Variants in NLGN1 observed in about 807,000 individuals in gnomAD.
The protein encoded by NLGN1 is neuroligin 1, also known as neuroligin-1.
Under a neutral mutation model 65.5 loss-of-function variants are expected in NLGN1, and 12 were observed. The ratio of observed to expected loss-of-function variants is 0.18; its 90% confidence interval spans 0.12 to 0.30. NLGN1 has a LOEUF of 0.30. Ranked by LOEUF, NLGN1 falls within the 10% of genes least tolerant of loss-of-function variation. The pLI, the probability that NLGN1 is intolerant of heterozygous loss-of-function variation, is 1.00. For missense variants in NLGN1, 750 were observed against 1,007.1 expected, an observed-to-expected ratio of 0.74 and a Z score of 3.46; for synonymous variants, 350 against 359.5, an observed-to-expected ratio of 0.97 and a Z score of 0.30.
rs73880562 is a variant in NLGN1, at chr3:173,731,380, A to G, written c.494-76300A>G. Among the ~76,000 whole-genome samples, 354 of 152,242 alleles carry G rather than the reference A, an allele frequency of 2.3e-3. 3 individuals are homozygous for G. Among genetic ancestry groups the G allele is most frequent in the African/African-American group, 8.1e-3 (335 of 41,568 alleles). On this transcript the variant is annotated intron_variant, in intron 3 of 6. Transcript: ENST00000457714. ...TTAAATATAAGATGGACTGTATTCA[A>G]TTTCAAGTTTTTATTTTGGAAATGC...
At chr3:174,112,828 T>C (rs746204408) in intron 4 of NLGN1, among the ~76,000 whole-genome samples, 9 of 151,914 alleles carry the variant, frequency 5.9e-5, no homozygotes, top group African/African-American at 2.2e-4. Context: ...TTTGACACGG[T>C]GATTAGTATA....
intron 2 of NLGN1, among the ~76,000 whole-genome samples, chr3:173,548,941 C>A (rs536204372): frequency 1.3e-5 from 2 of 151,946 alleles, no homozygotes; most frequent in Non-Finnish European, 2.9e-5. Flanking sequence ...AGATCTATTT[C>A]ATGCATGCTT....
intron 3 of NLGN1, among the ~76,000 whole-genome samples, chr3:173,715,196 T>A: frequency 6.6e-6 from 1 of 152,184 alleles, no homozygotes; most frequent in African/African-American, 2.4e-5. Context: ...GCTTAAATGA[T>A]TATTTCATAG....
At chr3:173,951,972 G>C (rs1296789802) in intron 4 of NLGN1, among the ~76,000 whole-genome samples, 1 of 152,260 alleles carries the variant, frequency 6.6e-6, no homozygotes, top group East Asian at 1.9e-4. Context: ...TGCAATAAAA[G>C]TACATGTCTA....
chr3:173,458,309 G>A (rs141612509), intron 2 of NLGN1, among the ~76,000 whole-genome samples: 24 of 152,038 alleles, frequency 1.6e-4, no homozygotes, highest in Admixed American at 9.2e-4. Flanking sequence ...AAGGTCAGAC[G>A]TCAGAATAAA....
At chr3:174,031,810 T>C (rs960704927) in intron 4 of NLGN1, among the ~76,000 whole-genome samples, 1 of 152,070 alleles carries the variant, frequency 6.6e-6, no homozygotes, top group African/African-American at 2.4e-5. Flanking sequence ...ATAGGAATTT[T>C]CAGATTTTAG....
rs9850002 is a variant in NLGN1 at position 173,475,461 on chromosome 3, T to G, written c.-321+40383T>G. Reference sequence around the variant, plus strand: ...TCAAACATTTAAAGTTATTTGTCACTGTTTTTATTTCCAAATCTTAAACAA... The same window carrying G: ...TCAAACATTTAAAGTTATTTGTCACGGTTTTTATTTCCAAATCTTAAACAA... On this transcript the variant is annotated intron_variant, in intron 2 of 6. Transcript: ENST00000457714. Among the ~76,000 whole-genome samples the G allele has an allele frequency of 4.3e-3, 650 of 152,334 alleles. 3 individuals are homozygous for G. The highest frequency in any genetic ancestry group is 0.015 in the African/African-American group (629 of 41,584).
chr3:173,894,846 A>G (rs976910751), intron 4 of NLGN1, among the ~76,000 whole-genome samples: 2 of 151,088 alleles, frequency 1.3e-5, no homozygotes, highest in Non-Finnish European at 3.0e-5. Flanking sequence ...CATGTTGGCC[A>G]GGCTGGTGTC....
chr3:174,264,737 C>G (rs978333342), intron 4 of NLGN1, among the ~76,000 whole-genome samples: 114 of 152,036 alleles, frequency 7.5e-4, no homozygotes, highest in Non-Finnish European at 1.3e-3. Flanking sequence ...GAGCTGCGTT[C>G]CTTTGGAGGA....
intron 2 of NLGN1, among the ~76,000 whole-genome samples, chr3:173,541,493 G>A (rs1738856385): frequency 6.6e-6 from 1 of 152,092 alleles, no homozygotes; most frequent in Non-Finnish European, 1.5e-5. Context: ...AGTGCATATT[G>A]TCTATGATTC....
At chr3:173,769,351 C>T (rs1779243644) in intron 3 of NLGN1, among the ~76,000 whole-genome samples, 1 of 152,180 alleles carries the variant, frequency 6.6e-6, no homozygotes, top group South Asian at 2.1e-4. Context: ...GACTTCTATG[C>T]TCAAATGACT....
intron 4 of NLGN1, among the ~76,000 whole-genome samples, chr3:174,225,076 T>A (rs2152809721): frequency 6.6e-6 from 1 of 152,326 alleles, no homozygotes; most frequent in African/African-American, 2.4e-5. Flanking sequence ...GTATCTTAAA[T>A]ATCTCAGTAA....
rs569961786 is a variant in NLGN1 at position 173,689,128 on chromosome 3, C to T, written c.493+84037C>T. On this transcript the variant is annotated intron_variant, in intron 3 of 6. Transcript: ENST00000457714. ...CTTCCTTTATGTCCTGAGTCACCTC[C>T]AGCCTCTAAAGTATTCCTCTAGATT... Among the ~76,000 whole-genome samples the T allele has an allele frequency of 2.5e-4, 38 of 152,300 alleles. 2 individuals are homozygous for T. The highest frequency in any genetic ancestry group is 8.4e-4 in the African/African-American group (35 of 41,570).
intron 4 of NLGN1, among the ~76,000 whole-genome samples, chr3:174,038,734 A>G (rs1731652442): frequency 1.3e-5 from 2 of 152,186 alleles, no homozygotes; most frequent in Admixed American, 1.3e-4. Flanking sequence ...TTTATGATTT[A>G]GAGAAATATT....
At chr3:173,767,414 G>T (rs756477754) in intron 3 of NLGN1, among the ~76,000 whole-genome samples, 1 of 152,010 alleles carries the variant, frequency 6.6e-6, no homozygotes, top group East Asian at 1.9e-4. Context: ...TTTATTATAT[G>T]TAGAGGATAT....
chr3:173,400,783 T>C lies in NLGN1; in HGVS notation c.-390+2296T>C, dbSNP rs1170383648. 2.6e-5 allele frequency among the ~76,000 whole-genome samples: 4 copies of C among 152,184 alleles called. No homozygotes were observed. In the East Asian group the frequency reaches 7.7e-4, roughly 29 times the overall value. On this transcript the variant is annotated intron_variant, in intron 1 of 6. Coordinates refer to ENST00000457714, the Ensembl canonical transcript of NLGN1. ...CCTGATTTATCATGTCATTCGGAAATGATAGCTTACCTTTATGTCTGAACA... is the reference window on the plus strand; with the variant it reads ...CCTGATTTATCATGTCATTCGGAAACGATAGCTTACCTTTATGTCTGAACA...
At chr3:174,225,090 C>A (rs1417361196) in intron 4 of NLGN1, among the ~76,000 whole-genome samples, 1 of 152,150 alleles carries the variant, frequency 6.6e-6, no homozygotes, top group East Asian at 1.9e-4. Context: ...TCAGTAATCC[C>A]TTACTTTGGT....
At chr3:173,472,024 C>A (rs1725395353) in intron 2 of NLGN1, among the ~76,000 whole-genome samples, 1 of 151,982 alleles carries the variant, frequency 6.6e-6, no homozygotes, top group African/African-American at 2.4e-5. Context: ...ATAAAACTCA[C>A]CAGAAGTAAA....
In NLGN1 at chr3:173,827,862, TCTCTGCCTTTTTA is replaced by T. The variant is rs538293771; in HGVS notation, c.646+20035_646+20047del. ...TAGATGTTCCTGCTCAAATAGCCTT[TCTCTGCCTTTTTA>T]CTCTATCTGAACTCTCAAAGGACTG... On this transcript the variant is annotated intron_variant, in intron 4 of 6. Coordinates refer to ENST00000457714, the Ensembl canonical transcript of NLGN1. Among the ~76,000 whole-genome samples the T allele has an allele frequency of 3.0e-3, 454 of 152,054 alleles. 1 individual carries two copies. Among genetic ancestry groups the T allele is most frequent in the Middle Eastern group, 6.8e-3 (2 of 294 alleles).
Sources: gnomAD v4.1 joint callset for allele counts (sites outside exome capture counted in the v4.1 genomes callset) on GRCh38, gnomAD v4.1.1 for gene constraint, MANE v1.5 for transcripts, NCBI Gene and HGNC (gene_info 2026-07-23, HGNC 2026-07-21) for gene names.